CEP112: variants seen among roughly 807,000 people sequenced by gnomAD.
The protein encoded by CEP112 is centrosomal protein 112, also known as centrosomal protein of 112 kDa.
In CEP112, 127 loss-of-function variants were observed where a neutral mutation model predicts 153.0. That is an observed-to-expected ratio of 0.83 (90% CI 0.72 to 0.96). The LOEUF (loss-of-function observed/expected upper bound fraction) is 0.96. CEP112 is among the 40% of genes least tolerant of loss of function. The pLI, the probability that CEP112 is intolerant of heterozygous loss-of-function variation, is 0.00. For missense variants in CEP112, 1,089 were observed against 1,101.2 expected (o/e 0.99, Z 0.16); for synonymous variants, 358 against 374.4 (o/e 0.96, Z 0.51).
intron 23 of CEP112, among the ~76,000 whole-genome samples, chr17:65,734,871 T>C (rs767998809): frequency 2.6e-5 from 4 of 152,240 alleles, no homozygotes; most frequent in Non-Finnish European, 5.9e-5. Context: ...TCTGAAACTC[T>C]ATCAGTGAGC....
intron 17 of CEP112, among the ~76,000 whole-genome samples, chr17:65,993,463 C>A (rs1181277132): frequency 6.6e-6 from 1 of 151,942 alleles, no homozygotes; most frequent in Admixed American, 6.6e-5. Flanking sequence ...TATGTGTATT[C>A]TTAACAAAAC....
intron 21 of CEP112, among the ~76,000 whole-genome samples, chr17:65,756,905 C>T (rs926627501): frequency 6.6e-6 from 1 of 152,024 alleles, no homozygotes; most frequent in Admixed American, 6.6e-5. Flanking sequence ...CTGTGTCCTC[C>T]CCAAATTCCT....
intron 23 of CEP112, among the ~76,000 whole-genome samples, chr17:65,721,286 A>G (rs1476070502): frequency 2.0e-5 from 3 of 152,224 alleles, no homozygotes; most frequent in African/African-American, 7.2e-5. Context: ...CTGGGATTAC[A>G]GGCATGAGCC....
Position 65,779,891 on chromosome 17 carries a change from G to A in CEP112, c.2395-29167C>T, listed in dbSNP as rs147118596. Reference sequence around the variant, plus strand: ...AACAAAAGCTCTTTTTCCTATACTGGACCTACTGAGTTTTCCATTAAACTC... The same window carrying A: ...AACAAAAGCTCTTTTTCCTATACTGAACCTACTGAGTTTTCCATTAAACTC... On this transcript the variant is annotated intron_variant, in intron 21 of 26. Coordinates refer to ENST00000535342, the MANE Select transcript of CEP112 (RefSeq NM_001199165.4). Among the ~76,000 whole-genome samples the A allele has an allele frequency of 8.1e-3, 1,235 of 151,996 alleles. 8 individuals carry two copies. Among genetic ancestry groups the A allele is most frequent in the Non-Finnish European group, 0.014 (926 of 67,886 alleles).
At chr17:65,920,961 T>G (rs1173041699) in intron 19 of CEP112, among the ~76,000 whole-genome samples, 2 of 151,858 alleles carry the variant, frequency 1.3e-5, no homozygotes, top group Non-Finnish European at 2.9e-5. Context: ...GAAAACTCAT[T>G]TTTTTTAATC....
At position 65,768,077 on chromosome 17, in the gene CEP112, T is replaced by C. The variant is rs550461136; in HGVS notation, c.2395-17353A>G. 8.7e-4 allele frequency among the ~76,000 whole-genome samples: 132 copies of C among 152,250 alleles called. 4 individuals carry two copies. In the South Asian group the frequency reaches 0.027, roughly 31 times the overall value. ...CCAAATGCAGTCAAAAATCTGCATGTAACATTTGACTACCCCAAAACTTAA... is the reference window on the plus strand; with the variant it reads ...CCAAATGCAGTCAAAAATCTGCATGCAACATTTGACTACCCCAAAACTTAA... On this transcript the variant is annotated intron_variant, in intron 21 of 26. Transcript: ENST00000535342.
intron 4 of CEP112, among the ~76,000 whole-genome samples, chr17:66,151,049 C>A (rs1443965522): frequency 1.3e-5 from 2 of 152,110 alleles, no homozygotes; most frequent in Non-Finnish European, 2.9e-5. Flanking sequence ...CATCTCTTTG[C>A]ATCCTTTTAC....
At chr17:65,763,338 C>T (rs1374431388) in intron 21 of CEP112, among the ~76,000 whole-genome samples, 1 of 151,870 alleles carries the variant, frequency 6.6e-6, no homozygotes, top group Non-Finnish European at 1.5e-5. Flanking sequence ...GCTTACAGAT[C>T]TGTGGTTTGG....
At chr17:66,148,583 G>C (rs998376507) in intron 4 of CEP112, among the ~76,000 whole-genome samples, 2 of 152,006 alleles carry the variant, frequency 1.3e-5, no homozygotes, top group Admixed American at 6.5e-5. Flanking sequence ...CCTTAGTTAG[G>C]CTTATTCCTA....
chr17:65,662,665 T>A (rs566386729), intron 24 of CEP112, among the ~76,000 whole-genome samples: 2 of 152,162 alleles, frequency 1.3e-5, no homozygotes, highest in Admixed American at 6.5e-5. Flanking sequence ...GGCCGCAGTA[T>A]CCTCATTGGG....
At chr17:65,819,507 A>G (rs2056428996) in intron 21 of CEP112, among the ~76,000 whole-genome samples, 1 of 151,962 alleles carries the variant, frequency 6.6e-6, no homozygotes, top group Admixed American at 6.6e-5. Flanking sequence ...CATAGTCTCA[A>G]ACTATGTCTC....
intron 12 of CEP112, among the ~76,000 whole-genome samples, chr17:66,038,512 G>A (rs1443295): frequency 0.93 from 141,030 of 152,262 alleles, 65,546 homozygotes; most frequent in East Asian, 0.97. Flanking sequence ...TTTTTTAAAC[G>A]GAATAAAAGA....
At chr17:65,784,074 G>A (rs1015864452) in intron 21 of CEP112, among the ~76,000 whole-genome samples, 9 of 152,232 alleles carry the variant, frequency 5.9e-5, no homozygotes, top group African/African-American at 2.2e-4. Flanking sequence ...ATGGATCAGA[G>A]AGTAGTGAGT....
chr17:65,864,913 AGTGTGTGTGTGTGTGTGT>A (rs6146121), intron 20 of CEP112, among the ~76,000 whole-genome samples: 28,065 of 144,434 alleles, frequency 0.19, 3,200 homozygotes, highest in South Asian at 0.34. Flanking sequence ...GGGGTAAGCA[AGTGTGTGTGTGTGTGTGT>A]GTGTGTGTGT....
intron 22 of CEP112, among the ~76,000 whole-genome samples, chr17:65,749,780 TTTG>T (rs1347307718): frequency 1.3e-5 from 2 of 152,182 alleles, no homozygotes; most frequent in Admixed American, 6.5e-5. Context: ...TTATTATCTT[TTTG>T]TTGTTGTTGT....
rs112965056 is a variant in CEP112, at chr17:65,849,359, T to C, written c.2394+2445A>G. Reference sequence around the variant, plus strand: ...TCTTGCATTATAGTTATCTGTGTAGTGTACTTGCAGTATTTTTCTTGCAGT... The same window carrying C: ...TCTTGCATTATAGTTATCTGTGTAGCGTACTTGCAGTATTTTTCTTGCAGT... On this transcript the variant is annotated intron_variant, in intron 21 of 26. Transcript: ENST00000535342. Among the ~76,000 whole-genome samples, 1,355 of 152,350 alleles carry C rather than the reference T, an allele frequency of 8.9e-3. 19 individuals carry two copies. Among genetic ancestry groups the C allele is most frequent in the African/African-American group, 0.028 (1,166 of 41,578 alleles).
chr17:66,019,682 A>T (rs1388475256), intron 16 of CEP112, among the ~76,000 whole-genome samples: 1 of 152,220 alleles, frequency 6.6e-6, no homozygotes, highest in East Asian at 1.9e-4. Flanking sequence ...ACTAATATAC[A>T]TTAACAAGTA....
intron 6 of CEP112, among the ~76,000 whole-genome samples, chr17:66,128,841 T>C (rs1389744084): frequency 6.6e-6 from 1 of 152,110 alleles, no homozygotes; most frequent in Non-Finnish European, 1.5e-5. Flanking sequence ...AAATGTTAAA[T>C]TGCATATAAG....
chr17:66,080,554 G>A lies in CEP112; in HGVS notation c.769-10553C>T, dbSNP rs765377931. ...TGTGGAGAAATAGGGACACTTTTACGCTGTTGGTGGGAGTGTAAATTAGTT... is the reference window on the plus strand; with the variant it reads ...TGTGGAGAAATAGGGACACTTTTACACTGTTGGTGGGAGTGTAAATTAGTT... On this transcript the variant is annotated intron_variant, in intron 8 of 26. Coordinates refer to ENST00000535342, the MANE Select transcript of CEP112 (RefSeq NM_001199165.4). 4.6e-5 allele frequency among the ~76,000 whole-genome samples: 7 copies of A among 152,134 alleles called. No homozygotes were observed. In the South Asian group the frequency reaches 6.2e-4, roughly 14 times the overall value.
Sources: allele counts gnomAD v4.1 joint callset (sites outside exome capture counted in the v4.1 genomes callset), GRCh38; gene constraint gnomAD v4.1.1; transcripts MANE v1.5; gene names NCBI Gene and HGNC (gene_info 2026-07-23, HGNC 2026-07-21).